Variants in BARD1 observed in about 807,000 individuals in gnomAD.
BARD1 encodes the protein BRCA1-associated RING domain protein 1.
Under a neutral mutation model 77.0 loss-of-function variants are expected in BARD1, and 73 were observed. That is an observed-to-expected ratio of 0.95 (90% CI 0.79 to 1.15). The LOEUF (loss-of-function observed/expected upper bound fraction) is 1.15. BARD1 is among the 50% of genes most tolerant of loss of function. BARD1 has a pLI of 0.00. For synonymous variants in BARD1, 384 were observed against 338.0 expected, an observed-to-expected ratio of 1.14 and a Z score of -1.49; for missense variants, 993 against 938.8, an observed-to-expected ratio of 1.06 and a Z score of -0.75.
At chr2:214,730,705 T>C (rs1046874140) in intron 9 of BARD1, among the ~76,000 whole-genome samples, 197 bp from the exon 10 acceptor site, 4 of 152,200 alleles carry the variant, frequency 2.6e-5, no homozygotes, top group Non-Finnish European at 5.9e-5. Context: ...AAAGAAAATA[T>C]TTTAAAAAAC....
chr2:214,744,814 G>A (rs1363355841), intron 9 of BARD1, among the ~76,000 whole-genome samples: 1 of 151,968 alleles, frequency 6.6e-6, no homozygotes, highest in Non-Finnish European at 1.5e-5. Flanking sequence ...TGTATTTTTA[G>A]TAGAGACAGG....
intron 4 of BARD1, among the ~76,000 whole-genome samples, chr2:214,770,115 A>G (rs909792677): frequency 2.6e-5 from 4 of 152,198 alleles, no homozygotes; most frequent in African/African-American, 9.7e-5. Context: ...TATTTGTTCA[A>G]CATTTTCTAG....
At chr2:214,779,814 C>T (rs906500318) in intron 4 of BARD1, among the ~76,000 whole-genome samples, 1 of 152,310 alleles carries the variant, frequency 6.6e-6, no homozygotes, top group Admixed American at 6.5e-5. Context: ...TAAGGTCTAC[C>T]ATATCATACT....
chr2:214,808,069 G>T (rs6757091), intron 1 of BARD1, among the ~76,000 whole-genome samples: 1 of 152,122 alleles, frequency 6.6e-6, no homozygotes, highest in Non-Finnish European at 1.5e-5. Flanking sequence ...TTTCGTCAAA[G>T]AAAATATAAG....
intron 7 of BARD1, among the ~76,000 whole-genome samples, chr2:214,749,782 CTT>C (rs55884068): frequency 0.49 from 72,816 of 147,316 alleles, 17,764 homozygotes; most frequent in East Asian, 0.57. Context: ...AAAAAACAAC[CTT>C]TTTTTTTTTT....
chr2:214,746,591 CAT>C (rs35107044), intron 7 of BARD1, among the ~76,000 whole-genome samples: 58,264 of 151,140 alleles, frequency 0.39, 11,527 homozygotes, highest in East Asian at 0.57. Flanking sequence ...AATATATGTC[CAT>C]ATATATATAT....
chr2:214,760,348 A>T (rs542019289), intron 6 of BARD1, among the ~76,000 whole-genome samples: 1 of 152,084 alleles, frequency 6.6e-6, no homozygotes, highest in Admixed American at 6.6e-5. Flanking sequence ...ACACGCCGCC[A>T]CACCCGGCTA....
At chr2:214,739,793 T>A (rs188739470) in intron 9 of BARD1, among the ~76,000 whole-genome samples, 2 of 152,248 alleles carry the variant, frequency 1.3e-5, no homozygotes, top group East Asian at 3.9e-4. Flanking sequence ...TTAGCAATTA[T>A]TTATTTTTGA....
chr2:214,808,308 C>T (rs1412331890), intron 1 of BARD1, among the ~76,000 whole-genome samples: 1 of 152,162 alleles, frequency 6.6e-6, no homozygotes, highest in African/African-American at 2.4e-5. Flanking sequence ...ACTTGGGAGG[C>T]TGAAGCAGGA....
At chr2:214,805,780 A>T (rs1251655618) in intron 1 of BARD1, among the ~76,000 whole-genome samples, 1 of 151,844 alleles carries the variant, frequency 6.6e-6, no homozygotes, top group Admixed American at 6.6e-5. Flanking sequence ...AAAAAAAAAT[A>T]CCTATCATAA....
chr2:214,769,735 C>T (rs530828588), intron 4 of BARD1, among the ~76,000 whole-genome samples: 12 of 151,976 alleles, frequency 7.9e-5, no homozygotes, highest in South Asian at 2.1e-4. Context: ...AGCAAGACTC[C>T]GTCTCAAAAA....
At chr2:214,792,040 A>C (rs1695536526) in intron 3 of BARD1, among the ~76,000 whole-genome samples, 1 of 151,570 alleles carries the variant, frequency 6.6e-6, no homozygotes, top group Admixed American at 6.6e-5. Context: ...CTTCCAAAAA[A>C]CCACCGGGTG....
chr2:214,764,247 G>A (rs1344370235), intron 6 of BARD1, among the ~76,000 whole-genome samples: 2 of 152,128 alleles, frequency 1.3e-5, no homozygotes, highest in African/African-American at 2.4e-5. Flanking sequence ...AAACAAATGT[G>A]GATACAGACT....
chr2:214,751,133 ATATATATATATATATATATTTT>A (rs1693409863), intron 7 of BARD1, among the ~76,000 whole-genome samples: 2 of 16,274 alleles, frequency 1.2e-4, no homozygotes, highest in African/African-American at 2.8e-4. Flanking sequence ...ATATATATAT[ATATATATATATATATATATTTT>A]TTTTTTTTTT....
At chr2:214,768,493 C>A (rs1049303234) in intron 5 of BARD1, among the ~76,000 whole-genome samples, 7 of 152,114 alleles carry the variant, frequency 4.6e-5, no homozygotes, top group African/African-American at 1.4e-4. Context: ...TAGAGTCCAA[C>A]CAGCAAAGCG....
intron 10 of BARD1, chr2:214,730,155 C>CT (rs1395479396): frequency 2.0e-6 from 1 of 494,204 alleles, no homozygotes; most frequent in East Asian, 3.8e-5. Context: ...CTTCCTGTAT[C>CT]TGAGATTTAC....
At chr2:214,807,705 G>A (rs541874136) in intron 1 of BARD1, among the ~76,000 whole-genome samples, 2 of 148,512 alleles carry the variant, frequency 1.3e-5, no homozygotes, top group African/African-American at 5.0e-5. Flanking sequence ...AAGAAAATAA[G>A]CTAATCATTA....
chr2:214,801,580 G>C (rs541908974), intron 1 of BARD1, among the ~76,000 whole-genome samples: 3 of 152,204 alleles, frequency 2.0e-5, no homozygotes, highest in Non-Finnish European at 4.4e-5. Flanking sequence ...GCTGTGGTCA[G>C]GCCAGTGTCT....
Position 214,745,764 on chromosome 2 carries a change from C to T in BARD1, c.1768G>A (p.Val590Ile), listed in dbSNP as rs876660261. ...GTATATTTTTTAGCCTTAAGAATTACTGCAAGCTCACTGAGCATTTTCTGT... is the reference window on the plus strand; with the variant it reads ...GTATATTTTTTAGCCTTAAGAATTATTGCAAGCTCACTGAGCATTTTCTGT... ...EQQKMLSELA[V>I]ILKAKKYTEF... Residue 590 changes from valine to isoleucine, a missense_variant, in exon 8 of 11, where the codon GTA (valine) becomes ATA (isoleucine). Coordinates refer to ENST00000260947, the MANE Select transcript of BARD1 (RefSeq NM_000465.4). 1 of 1,614,054 alleles carries T rather than the reference C, an allele frequency of 6.2e-7. No homozygotes were observed. The highest frequency in any genetic ancestry group is 8.5e-7 in the Non-Finnish European group (1 of 1,179,964).
Sources: gnomAD v4.1 joint callset for allele counts (sites outside exome capture counted in the v4.1 genomes callset) on GRCh38, gnomAD v4.1.1 for gene constraint, MANE v1.5 for transcripts, NCBI Gene and HGNC (gene_info 2026-07-23, HGNC 2026-07-21) for gene names.